CDH23: variants seen among roughly 807,000 people sequenced by gnomAD.
The protein encoded by CDH23 is cadherin-23.
A neutral mutation model predicts 317.1 loss-of-function variants in CDH23; 189 were observed. That is an observed-to-expected ratio of 0.60 (90% confidence interval 0.53 to 0.67). CDH23 has a LOEUF of 0.67. Ranked by LOEUF, CDH23 falls within the 30% of genes least tolerant of loss-of-function variation. CDH23 has a pLI of 0.00. For synonymous variants in CDH23, 1,839 were observed against 1,876.8 expected (o/e 0.98, Z 0.52); for missense variants, 4,401 against 4,592.4 (o/e 0.96, Z 1.20).
Position 71,706,817 on chromosome 10 carries a change from G to C in CDH23, c.2954-80G>C, listed in dbSNP as rs967830838. On this transcript the variant is annotated intron_variant, in intron 25 of 69. Transcript: ENST00000224721. Reference sequence around the variant, plus strand: ...TGGGAATTCATTCCCTACTTGGTCTGGTGCTGGAGACGCTGCTCTGGAGCT... The same window carrying C: ...TGGGAATTCATTCCCTACTTGGTCTCGTGCTGGAGACGCTGCTCTGGAGCT... 1.1e-5 allele frequency: 17 copies of C among 1,511,338 alleles called. No homozygotes were observed. The African/African-American group carries it at 1.8e-4, about 16-fold the overall frequency. 93.6% of individuals were successfully genotyped at this position (1,511,338 alleles called of 1,614,324 possible). A position where few individuals can be genotyped will look rare whatever the true frequency, so the allele number is the denominator to read the frequency against.
rs748300424 is a variant in CDH23, at chr10:71,452,346, G to A, written c.145+5951G>A. Among the ~76,000 whole-genome samples, 9 of 152,296 alleles carry A rather than the reference G, an allele frequency of 5.9e-5. No homozygotes were observed. The East Asian group carries it at 7.7e-4, about 13-fold the overall frequency. The stretch of plus-strand genomic sequence containing the variant: ...GTTCCTGCCACAGTGGTAACCGCCC[G>A]CAGCCAGAAGCCTCCCGAGTGCCTG... On this transcript the variant is annotated intron_variant, in intron 3 of 69. Coordinates refer to ENST00000224721, the MANE Select transcript of CDH23 (RefSeq NM_022124.6).
At chr10:71,658,454 G>T (rs1442132343) in intron 14 of CDH23, among the ~76,000 whole-genome samples, 1 of 152,218 alleles carries the variant, frequency 6.6e-6, no homozygotes, top group Non-Finnish European at 1.5e-5. Flanking sequence ...TTGGCAAATT[G>T]ATTTAAGGCC....
intron 3 of CDH23, among the ~76,000 whole-genome samples, chr10:71,503,428 G>A (rs74145014): frequency 0.017 from 2,589 of 152,270 alleles, 71 homozygotes; most frequent in African/African-American, 0.059. Context: ...CTCTCTTCCC[G>A]TTGTGGCTCA....
chr10:71,764,244 T>C (rs916604520), intron 38 of CDH23, among the ~76,000 whole-genome samples: 21 of 151,160 alleles, frequency 1.4e-4, no homozygotes, highest in African/African-American at 3.7e-4. Context: ...ACGCTAAGGG[T>C]TTCATGGGCA....
At chr10:71,738,397 C>A in intron 34 of CDH23, 101 bp from the exon 35 acceptor site, 2 of 1,391,748 alleles carry the variant, frequency 1.4e-6, no homozygotes, top group Admixed American at 1.7e-5. Flanking sequence ...GTTCCAGAAC[C>A]CACTGGGGAT....
At chr10:71,644,170 G>A (rs1478105986) in intron 12 of CDH23, among the ~76,000 whole-genome samples, 1 of 152,212 alleles carries the variant, frequency 6.6e-6, no homozygotes, top group East Asian at 1.9e-4. Context: ...AGGCCCAGAG[G>A]AGCCTTGCCC....
rs371829335 is a variant in CDH23, at chr10:71,812,518, T to A, written c.9419T>A (p.Leu3140Gln). The A allele has an allele frequency of 7.2e-6, 10 of 1,393,374 alleles. No individual in the cohort carries two copies. Among genetic ancestry groups the A allele is most frequent in the Non-Finnish European group, 9.6e-6 (10 of 1,039,710 alleles). 86.3% of individuals were successfully genotyped at this position (1,393,374 alleles called of 1,614,324 possible). A position where few individuals can be genotyped will look rare whatever the true frequency, so the allele number is the denominator to read the frequency against. ...TGGCTGGATCCCTTCTGTCGGAACC[T>A]GGAGCTGGCCGCCCAGGCGGAGCAT... ...PVWLDPFCRN[L>Q]ELAAQAEHED... The change falls in exon 67 of 70, where the codon CTG (leucine) becomes CAG (glutamine). Residue 3140 changes from leucine (L) to glutamine (Q), a missense_variant. Leu to Gln is a moderately radical substitution (Grantham distance 113). Coordinates refer to ENST00000224721, the MANE Select transcript of CDH23 (RefSeq NM_022124.6).
intron 66 of CDH23, 22 bp from the exon 67 acceptor site, chr10:71,812,458 C>T (rs761692464): frequency 1.2e-6 from 2 of 1,612,678 alleles, no homozygotes; most frequent in Non-Finnish European, 8.5e-7. Context: ...CCCTCCCCAC[C>T]CTTTTCCCTC....
intron 14 of CDH23, chr10:71,647,051 C>T (rs915957811): frequency 4.1e-6 from 4 of 985,310 alleles, no homozygotes; most frequent in Non-Finnish European, 4.8e-6. Context: ...GCTGGACTTG[C>T]CCTTTGACAA....
intron 1 of CDH23, among the ~76,000 whole-genome samples, chr10:71,422,451 G>A (rs1483847240): frequency 6.6e-6 from 1 of 152,208 alleles, no homozygotes; most frequent in Non-Finnish European, 1.5e-5. Flanking sequence ...TATTTATGAA[G>A]TTCTATAGAA....
At chr10:71,615,216 A>C (rs941279897) in intron 9 of CDH23, among the ~76,000 whole-genome samples, 2 of 152,294 alleles carry the variant, frequency 1.3e-5, no homozygotes, top group African/African-American at 4.8e-5. Flanking sequence ...GAAGTGTTAA[A>C]GCATAGTAGC....
rs570073309 is a variant in CDH23 at position 71,740,977 on chromosome 10, G to A, written c.4617+27G>A. 6 of 1,613,612 alleles carry A rather than the reference G, an allele frequency of 3.7e-6. No homozygotes were observed. The Admixed American group carries it at 8.3e-5, about 22-fold the overall frequency. ...TGAGGGCAGCCCCGGGGCCCATATAGCTGGACATACGGGGGGACCGTGGGC... is the reference window on the plus strand; with the variant it reads ...TGAGGGCAGCCCCGGGGCCCATATAACTGGACATACGGGGGGACCGTGGGC... On this transcript the variant is annotated intron_variant, in intron 37 of 69. Transcript: ENST00000224721.
intron 23 of CDH23, 121 bp downstream of exon 23, chr10:71,702,332 A>G: frequency 8.3e-7 from 1 of 1,198,072 alleles, no homozygotes; most frequent in Non-Finnish European, 1.2e-6. Context: ...CCAAGAGTAG[A>G]GTAATACCCA....
intron 11 of CDH23, among the ~76,000 whole-genome samples, chr10:71,629,561 A>G (rs1471759793): frequency 6.6e-6 from 1 of 152,208 alleles, no homozygotes; most frequent in Non-Finnish European, 1.5e-5. Flanking sequence ...ACAGGAGTGA[A>G]GTTTCGGGAG....
intron 6 of CDH23, among the ~76,000 whole-genome samples, chr10:71,548,657 G>A (rs1046768684): frequency 2.0e-5 from 3 of 152,198 alleles, no homozygotes; most frequent in Non-Finnish European, 4.4e-5. Flanking sequence ...GAGGGAAAAA[G>A]GAAGTAGTAC....
chr10:71,441,311 G>T (rs570564275), intron 2 of CDH23, among the ~76,000 whole-genome samples: 5 of 152,134 alleles, frequency 3.3e-5, no homozygotes, highest in Non-Finnish European at 5.9e-5. Context: ...TGGCCTCCAT[G>T]TTCGCTGCAC....
At chr10:71,427,205 GAA>G (rs1183695394) in intron 1 of CDH23, among the ~76,000 whole-genome samples, 1,211 of 70,184 alleles carry the variant, frequency 0.017, 57 homozygotes, top group Non-Finnish European at 0.023. Context: ...GAGAAAGAAA[GAA>G]AGAAAGAAAG....
At chr10:71,642,462 G>T (rs1041433287) in intron 11 of CDH23, among the ~76,000 whole-genome samples, 17 of 128,046 alleles carry the variant, frequency 1.3e-4, no homozygotes, top group Admixed American at 4.6e-4. Context: ...GCAATGGCAT[G>T]ATCTCGTCTC....
chr10:71,740,213 G>A (rs1407054232), intron 36 of CDH23, among the ~76,000 whole-genome samples: 1 of 152,218 alleles, frequency 6.6e-6, no homozygotes, highest in Non-Finnish European at 1.5e-5. Context: ...AGCCACGAAG[G>A]CTATCATTAT....
Sources: allele counts gnomAD v4.1 joint callset (sites outside exome capture counted in the v4.1 genomes callset), GRCh38; gene constraint gnomAD v4.1.1; transcripts MANE v1.5; gene names NCBI Gene and HGNC (gene_info 2026-07-23, HGNC 2026-07-21).